The following SCN9A variants were observed in gnomAD, a reference collection of about 807,000 sequenced individuals.
SCN9A encodes the protein sodium voltage-gated channel alpha subunit 9.
In SCN9A, 131 loss-of-function variants were observed where a neutral mutation model predicts 187.0. The observed-to-expected ratio is 0.70, with a 90% CI of 0.61 to 0.81. SCN9A has a LOEUF of 0.81. Ranked by LOEUF, SCN9A falls within the 30% of genes least tolerant of loss-of-function variation. The pLI is 0.00. For missense variants in SCN9A, 2,252 were observed against 2,396.6 expected, an observed-to-expected ratio of 0.94 and a Z score of 1.26; for synonymous variants, 809 against 808.6, an observed-to-expected ratio of 1.00 and a Z score of -0.01.
At chr2:166,258,448 A>C (rs1696370888) in intron 17 of SCN9A, among the ~76,000 whole-genome samples, 1 of 151,484 alleles carries the variant, frequency 6.6e-6, no homozygotes, top group Non-Finnish European at 1.5e-5. Flanking sequence ...CATTTTGAAC[A>C]CTTATCACTT....
Position 166,204,062 on chromosome 2 carries a change from A to G in SCN9A, c.4667T>C (p.Ile1556Thr). ...TAGCACACATTCTCCAGTGAAAAGG[A>G]TTATAAAAACCACATTTATCCAATA... is the stretch of plus-strand genomic sequence containing the variant. ...VLYWINVVFIILFTGECVLKL... is the reference protein window; with the variant it reads ...VLYWINVVFITLFTGECVLKL... The change falls in exon 26 of 27, where the codon ATC (isoleucine) becomes ACC (threonine). Residue 1556 changes from isoleucine (I) to threonine (T), a missense_variant. Physicochemically the swap from Ile to Thr is moderately conservative, Grantham distance 89. This residue lies in a region of SCN9A where 368 missense variants were observed against 408.6 expected (regional missense o/e 0.90). Coordinates refer to ENST00000642356, the MANE Select transcript of SCN9A (RefSeq NM_001365536.1). 6.2e-7 allele frequency: 1 copy of G among 1,612,370 alleles called. No homozygotes were observed. Among genetic ancestry groups the G allele is most frequent in the Non-Finnish European group, 8.5e-7 (1 of 1,178,870 alleles).
intron 9 of SCN9A, among the ~76,000 whole-genome samples, chr2:166,290,887 A>G (rs1423273603): frequency 6.6e-6 from 1 of 152,226 alleles, no homozygotes; most frequent in African/African-American, 2.4e-5. Context: ...ACATCCATTC[A>G]TGTTAAAAAC....
chr2:166,330,365 T>G (rs1016020736), intron 1 of SCN9A, among the ~76,000 whole-genome samples: 4 of 152,228 alleles, frequency 2.6e-5, no homozygotes, highest in African/African-American at 9.6e-5. Context: ...TCTTTCTGTT[T>G]TCTTGAAAAT....
At chr2:166,313,714 C>A (rs1164552417) in intron 1 of SCN9A, among the ~76,000 whole-genome samples, 4 of 152,110 alleles carry the variant, frequency 2.6e-5, no homozygotes, top group Non-Finnish European at 4.4e-5. Flanking sequence ...ACTGGAGTAG[C>A]ACATTTGATT....
chr2:166,351,769 T>C (rs1286718859), intron 1 of SCN9A, among the ~76,000 whole-genome samples: 3 of 151,978 alleles, frequency 2.0e-5, no homozygotes, highest in African/African-American at 7.3e-5. Context: ...ATAGAACAGA[T>C]TTTTTTTCCC....
At chr2:166,214,804 G>A (rs1202872355) in intron 24 of SCN9A, among the ~76,000 whole-genome samples, 3 of 151,440 alleles carry the variant, frequency 2.0e-5, no homozygotes, top group South Asian at 2.1e-4. Context: ...GTGAGCCACC[G>A]CGCCCGGCCA....
chr2:166,291,499 C>T (rs962947541), intron 9 of SCN9A, among the ~76,000 whole-genome samples: 15 of 152,216 alleles, frequency 9.9e-5, no homozygotes, highest in African/African-American at 2.2e-4. Context: ...GCCATACTGC[C>T]GAAAGTAATT....
intron 1 of SCN9A, among the ~76,000 whole-genome samples, chr2:166,357,812 C>G (rs997256977): frequency 3.9e-5 from 6 of 152,112 alleles, no homozygotes; most frequent in Admixed American, 3.3e-4. Context: ...TTGATGCTCA[C>G]TTTCCCATTT....
intron 18 of SCN9A, among the ~76,000 whole-genome samples, chr2:166,246,618 C>G (rs1051028003): frequency 3.3e-5 from 5 of 151,906 alleles, no homozygotes; most frequent in Admixed American, 1.3e-4. Context: ...TTGTCTTAAA[C>G]TTAAAAACAA....
chr2:166,353,851 G>A (rs746670993), intron 1 of SCN9A, among the ~76,000 whole-genome samples: 2 of 151,994 alleles, frequency 1.3e-5, no homozygotes, highest in Non-Finnish European at 2.9e-5. Context: ...AAACTTCATA[G>A]ACAGGAAATT....
At chr2:166,321,522 CAA>C (rs5836096) in intron 1 of SCN9A, 56,798 of 137,788 alleles carry the variant, frequency 0.41, 11,876 homozygotes, top group African/African-American at 0.59. Flanking sequence ...GACCCTGTCT[CAA>C]AAAAAAAAAA....
Position 166,224,987 on chromosome 2 carries a change from A to G in SCN9A, c.4398+1580T>C, listed in dbSNP as rs540542250. On this transcript the variant is annotated intron_variant, in intron 24 of 26. Transcript: ENST00000642356. ...AGGATCTGACATATCATGGAGTCTT[A>G]ATAAACATCAATCTCCTGCTTCCAT... Among the ~76,000 whole-genome samples, 82 of 152,284 alleles carry G rather than the reference A, an allele frequency of 5.4e-4. 1 individual carries two copies. The highest frequency in any genetic ancestry group is 1.9e-3 in the African/African-American group (79 of 41,560).
intron 20 of SCN9A, among the ~76,000 whole-genome samples, chr2:166,233,812 A>G (rs73019642): frequency 0.027 from 4,122 of 152,210 alleles, 182 homozygotes; most frequent in African/African-American, 0.092. Flanking sequence ...TTAATTATAA[A>G]ACTCAGGTCA....
In SCN9A at chr2:166,231,036, GTAA is replaced by G. The variant is rs565738423; in HGVS notation, c.3925-2067_3925-2065del. 3.0e-4 allele frequency among the ~76,000 whole-genome samples: 45 copies of G among 152,276 alleles called. No individual in the cohort carries two copies. The South Asian group carries it at 9.3e-3, about 32-fold the overall frequency. Reference sequence around the variant, plus strand: ...GTCTCTTTTTGCATGGTTAACAAATGTAACTAAATAGACATTTGCCTCTCAAAA... The same window carrying G: ...GTCTCTTTTTGCATGGTTAACAAATGCTAAATAGACATTTGCCTCTCAAAA... On this transcript the variant is annotated intron_variant, in intron 21 of 26. Transcript: ENST00000642356.
At chr2:166,240,257 C>T (rs1695506613) in intron 19 of SCN9A, among the ~76,000 whole-genome samples, 1 of 151,972 alleles carries the variant, frequency 6.6e-6, no homozygotes, top group Non-Finnish European at 1.5e-5. Flanking sequence ...TAAATGAGAG[C>T]TATTACTTCT....
intron 17 of SCN9A, among the ~76,000 whole-genome samples, chr2:166,271,775 T>C (rs1215175018): frequency 2.0e-5 from 3 of 151,882 alleles, no homozygotes; most frequent in Non-Finnish European, 4.4e-5. Context: ...GGAGGATCAC[T>C]TGAGCCCAGG....
rs550735699 is a variant in SCN9A at position 166,243,923 on chromosome 2, C to A, written c.3473-1267G>T. ...AACCATTTGGATTCTGGTCCAGTAT[C>A]CTGTCTGGAGGGAAAGATTAGTTAG... On this transcript the variant is annotated intron_variant, in intron 18 of 26. Coordinates refer to ENST00000642356, the MANE Select transcript of SCN9A (RefSeq NM_001365536.1). Among the ~76,000 whole-genome samples, 15 of 152,126 alleles carry A rather than the reference C, an allele frequency of 9.9e-5. No individual in the cohort carries two copies. In the South Asian group the frequency reaches 2.7e-3, roughly 27 times the overall value.
intron 2 of SCN9A, among the ~76,000 whole-genome samples, chr2:166,309,794 T>G (rs1009033455): frequency 1.6e-4 from 23 of 147,568 alleles, no homozygotes; most frequent in Non-Finnish European, 3.3e-4. Flanking sequence ...CATCGCCAAG[T>G]CAATCCTAAG....
chr2:166,215,921 G>C (rs1433389087), intron 24 of SCN9A, among the ~76,000 whole-genome samples: 1 of 151,944 alleles, frequency 6.6e-6, no homozygotes, highest in East Asian at 1.9e-4. Context: ...AAAACCCTAA[G>C]AGTATGCTAC....
Sources: allele counts gnomAD v4.1 joint callset (sites outside exome capture counted in the v4.1 genomes callset), GRCh38; gene constraint gnomAD v4.1.1; regional missense constraint gnomAD v4.1.1; transcripts MANE v1.5; gene names NCBI Gene and HGNC (gene_info 2026-07-23, HGNC 2026-07-21).